Variants in PPP5C observed in about 807,000 individuals in gnomAD.
PPP5C encodes the protein protein phosphatase 5 catalytic subunit, also known as serine/threonine-protein phosphatase 5.
PPP5C carries 21 observed loss-of-function variants against 66.7 expected under a neutral mutation model. The ratio of observed to expected loss-of-function variants is 0.31; its 90% CI spans 0.22 to 0.45. The LOEUF is 0.45. Among genes scored for constraint, PPP5C ranks in the 20% least tolerant of loss-of-function variants. PPP5C has a pLI of 1.00. For synonymous variants in PPP5C, 246 were observed against 257.4 expected (o/e 0.96, Z 0.43); for missense variants, 464 against 675.9 (o/e 0.69, Z 3.48).
rs369993397 is a variant in PPP5C, at chr19:46,383,760, G to A, written c.700-20G>A. ...TCTCTCTCTCGGCCCGTCCCTCTCC[G>A]GTGGCCTCTTTTCTTTCAGACAGAG... On this transcript the variant is annotated intron_variant, in intron 5 of 12. Coordinates refer to ENST00000012443, the MANE Select transcript of PPP5C (RefSeq NM_006247.4). The surrounding 1 kb of genome is among the most constrained non-coding windows in gnomAD (Gnocchi z 5.0). The A allele has an allele frequency of 1.9e-5, 30 of 1,591,356 alleles. No homozygotes were observed. The highest frequency in any genetic ancestry group is 1.7e-4 in the Middle Eastern group (1 of 6,048).
rs1236205132 is a variant in PPP5C at position 46,384,698 on chromosome 19, G to T, written c.799-106G>T. 9.7e-6 allele frequency: 8 copies of T among 826,654 alleles called. No homozygotes were observed. The East Asian group carries it at 1.8e-4, about 18-fold the overall frequency. The allele number at this position is 826,654 out of a possible 1,614,324, so 51.2% of individuals were successfully genotyped here. On this transcript the variant is annotated intron_variant, in intron 6 of 12. Transcript: ENST00000012443. The stretch of plus-strand genomic sequence containing the variant: ...TGGGAGGTGCTGACAGGAGGCTTGA[G>T]GCCAGGCAGGAGCAGCCCATCTGGC...
chr19:46,356,589 T>C (rs1972291416), intron 2 of PPP5C, among the ~76,000 whole-genome samples: 1 of 152,214 alleles, frequency 6.6e-6, no homozygotes. Flanking sequence ...AGAGAGGAGA[T>C]GTCCCTCCTC....
At chr19:46,366,051 G>C (rs1972485206) in intron 2 of PPP5C, among the ~76,000 whole-genome samples, 2 of 152,156 alleles carry the variant, frequency 1.3e-5, no homozygotes, top group Admixed American at 1.3e-4. Context: ...CATCTGACAA[G>C]AGAGGGGGTC....
intron 11 of PPP5C, among the ~76,000 whole-genome samples, chr19:46,389,442 CACACACACACACACACACAG>C (rs1402374506): frequency 7.7e-5 from 6 of 78,166 alleles, no homozygotes; most frequent in African/African-American, 2.8e-4. Flanking sequence ...CACACACACA[CACACACACACACACACACAG>C]TGTTGATCCC....
rs549308523 is a variant in PPP5C, at chr19:46,354,113, C to T, written c.363+124C>T. On this transcript the variant is annotated intron_variant, in intron 2 of 12. Coordinates refer to ENST00000012443, the MANE Select transcript of PPP5C (RefSeq NM_006247.4). ...TACCACTCAGCCAGCCAGCAAGTGC[C>T]TGTGGGGCCTTGGGCCCAGGCCAGA... The T allele has an allele frequency of 6.5e-6, 9 of 1,393,688 alleles. No homozygotes were observed. In the East Asian group the frequency reaches 2.2e-4, roughly 35 times the overall value. The allele number at this position is 1,393,688 out of a possible 1,614,324, so 86.3% of individuals were successfully genotyped here.
At chr19:46,350,270 A>T (rs1263381670) in intron 1 of PPP5C, among the ~76,000 whole-genome samples, 1 of 152,136 alleles carries the variant, frequency 6.6e-6, no homozygotes, top group South Asian at 2.1e-4. Context: ...AAGTGAAGTG[A>T]CTACCGGGCT....
At position 46,383,926 on chromosome 19, in the gene PPP5C, G is replaced by C; in HGVS notation, c.798+48G>C. 2.7e-6 allele frequency: 4 copies of C among 1,455,718 alleles called. No individual in the cohort carries two copies. Among genetic ancestry groups the C allele is most frequent in the Non-Finnish European group, 3.9e-6 (4 of 1,038,938 alleles). 90.2% of individuals were successfully genotyped at this position (1,455,718 alleles called of 1,614,324 possible). A position where few individuals can be genotyped will look rare whatever the true frequency, so the allele number is the denominator to read the frequency against. On this transcript the variant is annotated intron_variant, in intron 6 of 12. Transcript: ENST00000012443. The surrounding 1 kb of genome is among the most constrained non-coding windows in gnomAD (Gnocchi z 5.0). ...CCTCTCCCCACCTCCACCCCCAGCC[G>C]CAGCCTCAGGTCTGCACAGAGTGGG...
At chr19:46,382,434 T>C (rs1413752322) in intron 4 of PPP5C, 1 of 152,236 alleles carries the variant, frequency 6.6e-6, no homozygotes, top group Non-Finnish European at 1.5e-5. Context: ...TTTGTAACTT[T>C]TCTACCTTCT....
chr19:46,367,680 G>A (rs1000838428), intron 2 of PPP5C, among the ~76,000 whole-genome samples: 4 of 152,144 alleles, frequency 2.6e-5, no homozygotes, highest in Non-Finnish European at 5.9e-5. Flanking sequence ...TGGACCTTAC[G>A]GTGGGAACCG....
chr19:46,355,220 T>C (rs942111550), intron 2 of PPP5C, among the ~76,000 whole-genome samples: 2 of 152,134 alleles, frequency 1.3e-5, no homozygotes, highest in African/African-American at 4.8e-5. Flanking sequence ...GTCCTGCGCA[T>C]GGGGATGGTG....
At chr19:46,363,264 C>T (rs1372644285) in intron 2 of PPP5C, among the ~76,000 whole-genome samples, 6 of 100,494 alleles carry the variant, frequency 6.0e-5, no homozygotes, top group Non-Finnish European at 9.4e-5. Context: ...GCCGAGATCC[C>T]GCCACTGCAC....
intron 2 of PPP5C, among the ~76,000 whole-genome samples, chr19:46,369,520 C>G (rs962808890): frequency 2.7e-5 from 4 of 150,504 alleles, no homozygotes; most frequent in Non-Finnish European, 5.9e-5. Context: ...TAGTCCTAGC[C>G]ACTCTGGGGG....
intron 3 of PPP5C, among the ~76,000 whole-genome samples, 195 bp downstream of exon 3, chr19:46,375,946 A>C (rs895501700): frequency 6.6e-6 from 1 of 152,078 alleles, no homozygotes; most frequent in Non-Finnish European, 1.5e-5. Context: ...CCAGTGAGCG[A>C]GATTGGAGAG....
rs1431156400 is a variant in PPP5C at position 46,347,162 on chromosome 19, T to G, written c.66T>G (p.Asp22Glu). Residue 22 changes from aspartate to glutamate, a missense_variant, in exon 1 of 13, where the codon GAT becomes GAG. By Grantham distance (45) the Asp-to-Glu change is conservative. Transcript: ENST00000012443. The stretch of plus-strand genomic sequence containing the variant: ...CCCCCCGGGACGAACCCCCGGCTGA[T>G]GGAGCTCTGAAGCGGGCAGAGGAGC... ...AEPPRDEPPA[D>E]GALKRAEELK... 1 of 1,606,164 alleles carries G rather than the reference T, an allele frequency of 6.2e-7. No individual in the cohort carries two copies. The highest frequency in any genetic ancestry group is 1.1e-5 in the South Asian group (1 of 89,732).
intron 4 of PPP5C, chr19:46,381,362 T>C (rs1282005492): frequency 6.6e-6 from 1 of 152,242 alleles, no homozygotes; most frequent in Non-Finnish European, 1.5e-5. Flanking sequence ...CTGTTACCAG[T>C]TCTTCATGTG....
At chr19:46,348,627 C>T (rs1476606981) in intron 1 of PPP5C, among the ~76,000 whole-genome samples, 1 of 152,052 alleles carries the variant, frequency 6.6e-6, no homozygotes, top group Non-Finnish European at 1.5e-5. Flanking sequence ...CAAGAAGACA[C>T]ATTAAGTAAA....
At chr19:46,353,660 T>A (rs1972231433) in intron 1 of PPP5C, 88 bp from the exon 2 acceptor site, 1 of 1,567,984 alleles carries the variant, frequency 6.4e-7, no homozygotes, top group African/African-American at 1.3e-5. Context: ...TCCCCATCTG[T>A]GAACAGGGAG....
chr19:46,349,534 T>C (rs921912377), intron 1 of PPP5C, among the ~76,000 whole-genome samples: 1 of 150,084 alleles, frequency 6.7e-6, no homozygotes, highest in African/African-American at 2.5e-5. Context: ...GAGAGGGAGG[T>C]AGGACCAGTG....
At chr19:46,389,904 C>G (rs1394184031) in intron 11 of PPP5C, 147 bp from the exon 12 acceptor site, 1 of 706,332 alleles carries the variant, frequency 1.4e-6, no homozygotes, top group Non-Finnish European at 2.5e-6. Flanking sequence ...TTCGTCTTTC[C>G]CATCTCTGTC....
Sources: allele counts gnomAD v4.1 joint callset (sites outside exome capture counted in the v4.1 genomes callset), GRCh38; gene constraint gnomAD v4.1.1; non-coding constraint Gnocchi (gnomAD v3.1); transcripts MANE v1.5; gene names NCBI Gene and HGNC (gene_info 2026-07-23, HGNC 2026-07-21).